Variants in DPYSL4 observed in about 807,000 individuals in gnomAD.
DPYSL4 encodes dihydropyrimidinase-related protein 4.
A neutral mutation model predicts 63.4 loss-of-function variants in DPYSL4; 43 were observed. The ratio of observed to expected loss-of-function variants is 0.68; its 90% CI spans 0.53 to 0.88. The LOEUF is 0.88. Among genes scored for constraint, DPYSL4 ranks in the 40% least tolerant of loss-of-function variants. The pLI is 0.00. For synonymous variants in DPYSL4, 353 were observed against 331.7 expected, an observed-to-expected ratio of 1.06 and a Z score of -0.70; for missense variants, 733 against 819.5, an observed-to-expected ratio of 0.89 and a Z score of 1.29.
chr10:132,200,661 CG>C, intron 9 of DPYSL4, 149 bp downstream of exon 9: 2 of 1,367,578 alleles, frequency 1.5e-6, no homozygotes, highest in Non-Finnish European at 2.0e-6. Context: ...TTGGTCCCAG[CG>C]GGGGCTCCCC....
chr10:132,204,629 TCTC>T (rs532133037), intron 13 of DPYSL4, among the ~76,000 whole-genome samples: 4 of 152,112 alleles, frequency 2.6e-5, no homozygotes, highest in African/African-American at 7.2e-5. Context: ...GGTTTCATGA[TCTC>T]CTGGGCAGCC....
In DPYSL4 at chr10:132,200,499, T is replaced by G. The variant is rs147293903; in HGVS notation, c.955T>G (p.Cys319Gly). Residue 319 changes from cysteine to glycine, a missense_variant, in exon 9 of 14, where the codon TGC becomes GGC. Physicochemically the swap from Cys to Gly is radical, Grantham distance 159 (BLOSUM62 -3). Coordinates refer to ENST00000338492, the MANE Select transcript of DPYSL4 (RefSeq NM_006426.3). ...PDPTTADHLT[C>G]LLSSGDLQVT... ...CCCCACCACGGCGGACCACCTCACC[T>G]GCTTGCTGTCCAGGTAAGCAGCCTC... The G allele has an allele frequency of 4.8e-4, 779 of 1,612,948 alleles. No individual in the cohort carries two copies. Among genetic ancestry groups the G allele is most frequent in the Non-Finnish European group, 6.1e-4 (724 of 1,179,832 alleles).
chr10:132,200,753 T>C, intron 9 of DPYSL4, 89 bp from the exon 10 acceptor site: 1 of 1,524,190 alleles, frequency 6.6e-7, no homozygotes, highest in Non-Finnish European at 8.8e-7. Flanking sequence ...CTCTAGCCCC[T>C]GCGGCTGTGC....
intron 1 of DPYSL4, among the ~76,000 whole-genome samples, chr10:132,188,609 A>G (rs1169681462): frequency 6.6e-6 from 1 of 152,230 alleles, no homozygotes; most frequent in African/African-American, 2.4e-5. Context: ...ACAGCTCTGT[A>G]GACCAAGGGT....
At chr10:132,200,309 G>T (rs200005920) in intron 8 of DPYSL4, 47 bp from the exon 9 acceptor site, 1 of 1,606,290 alleles carries the variant, frequency 6.2e-7, no homozygotes, top group East Asian at 2.2e-5. Context: ...GGGCCCCAGG[G>T]GGTGCAGGTG....
At chr10:132,198,202 C>T (rs767448062) in intron 6 of DPYSL4, among the ~76,000 whole-genome samples, 5 of 152,156 alleles carry the variant, frequency 3.3e-5, no homozygotes, top group African/African-American at 9.7e-5. Flanking sequence ...TTCCCCTATC[C>T]GAGCTGTCCC....
intron 1 of DPYSL4, among the ~76,000 whole-genome samples, chr10:132,187,880 A>C (rs1046683385): frequency 6.6e-6 from 1 of 152,018 alleles, no homozygotes; most frequent in Non-Finnish European, 1.5e-5. Flanking sequence ...GGGAGGAAGG[A>C]GGCTTCGGGA....
At chr10:132,187,152 G>C (rs1200979121) in intron 1 of DPYSL4, 50 bp downstream of exon 1, 1 of 1,431,160 alleles carries the variant, frequency 7.0e-7, no homozygotes. Context: ...CGCCCGGAGT[G>C]GGGCCTGGAC....
Position 132,202,732 on chromosome 10 carries a change from C to A in DPYSL4, c.1368C>A (p.Asp456Glu), listed in dbSNP as rs773720558. ...VISQGRVALE[D>E]GKMFVTPGAG... The stretch of plus-strand genomic sequence containing the variant: ...GTCAGGGCCGAGTGGCGCTGGAGGA[C>A]GGGAAGATGTTTGTCACCCCGGGGG... Residue 456 changes from aspartate (D) to glutamate (E), a missense_variant, in exon 12 of 14, where the codon GAC (aspartate) becomes GAA (glutamate). By Grantham distance (45) the Asp-to-Glu change is conservative. Transcript: ENST00000338492. 6.2e-7 allele frequency: 1 copy of A among 1,613,352 alleles called. No homozygotes were observed. The highest frequency in any genetic ancestry group is 1.3e-5 in the African/African-American group (1 of 75,066).
chr10:132,203,727 C>T (rs1448475876), intron 12 of DPYSL4, 35 bp from the exon 13 acceptor site: 2 of 1,574,732 alleles, frequency 1.3e-6, no homozygotes, highest in Non-Finnish European at 1.7e-6. Context: ...GGCTCAGCCC[C>T]TCATGCCCTG....
In DPYSL4 at chr10:132,191,222, G is replaced by A. The variant is rs551521070; in HGVS notation, c.128+387G>A. Reference sequence around the variant, plus strand: ...CAGCTCTTGTGTACACACTGGTCACGTGGTATCCAGGCAGGTGCAAATAGT... The same window carrying A: ...CAGCTCTTGTGTACACACTGGTCACATGGTATCCAGGCAGGTGCAAATAGT... On this transcript the variant is annotated intron_variant, in intron 2 of 13. Coordinates refer to ENST00000338492, the MANE Select transcript of DPYSL4 (RefSeq NM_006426.3). Among the ~76,000 whole-genome samples, 71 of 76,102 alleles carry A rather than the reference G, an allele frequency of 9.3e-4. 7 individuals carry two copies. The highest frequency in any genetic ancestry group is 4.0e-3 in the African/African-American group (71 of 17,684). 49.9% of individuals were successfully genotyped at this position (76,102 alleles called of 152,430 possible). A position where few individuals can be genotyped will look rare whatever the true frequency, so the allele number is the denominator to read the frequency against.
intron 3 of DPYSL4, among the ~76,000 whole-genome samples, chr10:132,193,522 C>T (rs1428475600): frequency 1.3e-5 from 2 of 152,210 alleles, no homozygotes; most frequent in African/African-American, 4.8e-5. Flanking sequence ...GCTCAGGAGG[C>T]AGGACGAGGC....
At chr10:132,196,752 CG>C in intron 4 of DPYSL4, 108 bp from the exon 5 acceptor site, 1 of 1,264,052 alleles carries the variant, frequency 7.9e-7, no homozygotes. Context: ...GGAAGCACTG[CG>C]GGGGAGGGGC....
At chr10:132,193,095 T>A (rs1453753439) in intron 3 of DPYSL4, among the ~76,000 whole-genome samples, 1 of 152,128 alleles carries the variant, frequency 6.6e-6, no homozygotes, top group Non-Finnish European at 1.5e-5. Context: ...TGTGTCCACT[T>A]GTTCTTCCCT....
At chr10:132,198,561 G>A (rs529309930) in intron 7 of DPYSL4, 78 bp downstream of exon 7, 2 of 1,426,916 alleles carry the variant, frequency 1.4e-6, no homozygotes, top group South Asian at 1.2e-5. Flanking sequence ...GCTGACCCTG[G>A]CCCTGGGCTC....
chr10:132,197,122 C>T (rs756820848), intron 6 of DPYSL4, 21 bp downstream of exon 6: 21 of 1,472,850 alleles, frequency 1.4e-5, no homozygotes, highest in African/African-American at 5.7e-5. Flanking sequence ...GCAGGGCTGC[C>T]GTGGGGCAGG....
intron 7 of DPYSL4, 69 bp downstream of exon 7, chr10:132,198,552 C>T (rs2061973011): frequency 6.8e-6 from 10 of 1,463,436 alleles, no homozygotes; most frequent in Admixed American, 2.0e-5. Context: ...TGGGGCTGTG[C>T]TGACCCTGGC....
chr10:132,201,629 G>C (rs1406455400), intron 10 of DPYSL4, among the ~76,000 whole-genome samples: 1 of 152,266 alleles, frequency 6.6e-6, no homozygotes, highest in Non-Finnish European at 1.5e-5. Context: ...TTCTTACCCT[G>C]AGTGTTGCCA....
intron 12 of DPYSL4, chr10:132,203,494 G>C (rs1331691812): frequency 2.0e-6 from 1 of 508,288 alleles, no homozygotes; most frequent in African/African-American, 1.9e-5. Flanking sequence ...TAAGACTGAG[G>C]GGAGGGACGT....
Sources: gnomAD v4.1 joint callset for allele counts (sites outside exome capture counted in the v4.1 genomes callset) on GRCh38, gnomAD v4.1.1 for gene constraint, MANE v1.5 for transcripts, NCBI Gene and HGNC (gene_info 2026-07-23, HGNC 2026-07-21) for gene names.